PFDN1: variants seen among roughly 807,000 people sequenced by gnomAD.
PFDN1 encodes the protein prefoldin subunit 1.
Under a neutral mutation model 17.3 loss-of-function variants are expected in PFDN1, and 6 were observed. The ratio of observed to expected loss-of-function variants is 0.35; its 90% confidence interval spans 0.19 to 0.69. The LOEUF is 0.69. Ranked by LOEUF, PFDN1 falls within the 30% of genes least tolerant of loss-of-function variation. The pLI, the probability that PFDN1 is intolerant of heterozygous loss-of-function variation, is 0.65. For missense variants in PFDN1, 113 were observed against 146.2 expected, an observed-to-expected ratio of 0.77 and a Z score of 1.17; for synonymous variants, 58 against 50.1, an observed-to-expected ratio of 1.16 and a Z score of -0.67.
chr5:140,246,030 C>A lies in PFDN1; in HGVS notation c.313G>T (p.Val105Phe), dbSNP rs757466775. The A allele has an allele frequency of 6.4e-7, 1 of 1,562,004 alleles. No homozygotes were observed. Among genetic ancestry groups the A allele is most frequent in the Admixed American group, 1.9e-5 (1 of 52,496 alleles). ...EQKKSYLERS[V>F]KEAEDNIREM... is the part of the protein sequence containing the mutation. ...CGGATGTTGTCCTCAGCTTCCTTAA[C>A]GCTTCGCTCCAGGTAGGACTTTTTC... Residue 105 changes from valine (V) to phenylalanine (F), a missense_variant, in exon 4 of 4, where the codon GTT becomes TTT. Coordinates refer to ENST00000261813, the MANE Select transcript of PFDN1 (RefSeq NM_002622.5).
intron 3 of PFDN1, among the ~76,000 whole-genome samples, chr5:140,269,518 C>T (rs1765176648): frequency 6.6e-6 from 1 of 151,506 alleles, no homozygotes; most frequent in African/African-American, 2.4e-5. Context: ...GGGGTCTCTC[C>T]ATGTTGGTCA....
At chr5:140,296,057 T>C (rs1203332482) in intron 2 of PFDN1, among the ~76,000 whole-genome samples, 1 of 152,166 alleles carries the variant, frequency 6.6e-6, no homozygotes, top group African/African-American at 2.4e-5. Flanking sequence ...GACAACCTTC[T>C]CAATATATTT....
At chr5:140,259,887 C>G (rs927041675) in intron 3 of PFDN1, among the ~76,000 whole-genome samples, 2 of 152,148 alleles carry the variant, frequency 1.3e-5, no homozygotes, top group Non-Finnish European at 2.9e-5. Context: ...CAAAGACGAA[C>G]CAATTTTAAA....
intron 2 of PFDN1, among the ~76,000 whole-genome samples, chr5:140,295,924 A>T (rs1765647048): frequency 1.3e-5 from 2 of 152,058 alleles, no homozygotes; most frequent in South Asian, 4.1e-4. Context: ...CATTGATATT[A>T]TTATGCATAA....
intron 2 of PFDN1, among the ~76,000 whole-genome samples, chr5:140,286,599 G>GA (rs1365954475): frequency 5.0e-4 from 4 of 8,046 alleles, no homozygotes; most frequent in African/African-American, 1.1e-3. Context: ...TTTTTTTGCG[G>GA]GGGGGGGGGG....
At chr5:140,248,020 C>T (rs1764856607) in intron 3 of PFDN1, among the ~76,000 whole-genome samples, 1 of 152,110 alleles carries the variant, frequency 6.6e-6, no homozygotes, top group Non-Finnish European at 1.5e-5. Context: ...CAAATACAGT[C>T]CTATCACTGT....
chr5:140,246,206 C>T, intron 3 of PFDN1, 149 bp from the exon 4 acceptor site: 2 of 642,504 alleles, frequency 3.1e-6, no homozygotes. Flanking sequence ...CACCTGCCCA[C>T]AGTGCTCCCC....
At chr5:140,277,299 G>A (rs1308388694) in intron 3 of PFDN1, among the ~76,000 whole-genome samples, 1 of 151,786 alleles carries the variant, frequency 6.6e-6, no homozygotes, top group East Asian at 1.9e-4. Flanking sequence ...AATATGATCA[G>A]ATTTAACATT....
At chr5:140,303,012 A>T (rs761082874) in intron 1 of PFDN1, 29 bp downstream of exon 1, 2 of 1,552,096 alleles carry the variant, frequency 1.3e-6, no homozygotes, top group South Asian at 2.2e-5. Context: ...CAAAAAGAAG[A>T]CCTCCGCCTG....
chr5:140,275,051 T>G (rs1581090127), intron 3 of PFDN1, among the ~76,000 whole-genome samples: 1 of 150,528 alleles, frequency 6.6e-6, no homozygotes, highest in Middle Eastern at 3.4e-3. Flanking sequence ...CTTTGTACAA[T>G]TCATAGGTTC....
intron 2 of PFDN1, among the ~76,000 whole-genome samples, chr5:140,294,518 A>G (rs976155829): frequency 1.3e-5 from 2 of 152,028 alleles, no homozygotes; most frequent in African/African-American, 2.4e-5. Context: ...AGCTGCATAT[A>G]TTTCATCCCA....
chr5:140,288,722 T>C (rs1381770346), intron 2 of PFDN1, among the ~76,000 whole-genome samples: 1 of 152,076 alleles, frequency 6.6e-6, no homozygotes, highest in Non-Finnish European at 1.5e-5. Flanking sequence ...CGGTGGCTCA[T>C]GCCTGTAATC....
chr5:140,245,630 A>C lies in PFDN1; in HGVS notation c.*344T>G. The C allele has an allele frequency of 1.4e-6, 1 of 699,182 alleles. No homozygotes were observed. Among genetic ancestry groups the C allele is most frequent in the South Asian group, 1.5e-5 (1 of 67,202 alleles). 43.3% of individuals were successfully genotyped at this position (699,182 alleles called of 1,614,324 possible). A position where few individuals can be genotyped will look rare whatever the true frequency, so the allele number is the denominator to read the frequency against. On this transcript the variant is annotated 3_prime_UTR_variant, in exon 4 of 4. Transcript: ENST00000261813. The stretch of plus-strand genomic sequence containing the variant: ...CCCTCTGCTCAAGAAAACCAGGCTT[A>C]GCAGAGTGGGACAGACGCTTTTTAT...
intron 2 of PFDN1, among the ~76,000 whole-genome samples, chr5:140,283,383 C>T (rs1035298513): frequency 6.6e-6 from 1 of 152,170 alleles, no homozygotes; most frequent in Non-Finnish European, 1.5e-5. Context: ...CAGGCGCCCA[C>T]CACCACGCCT....
At chr5:140,256,353 G>A (rs927733747) in intron 3 of PFDN1, among the ~76,000 whole-genome samples, 9 of 151,910 alleles carry the variant, frequency 5.9e-5, no homozygotes, top group Middle Eastern at 3.4e-3. Context: ...GTACTCCAGC[G>A]TGGGTGACAG....
intron 3 of PFDN1, among the ~76,000 whole-genome samples, chr5:140,271,769 T>C (rs1403691758): frequency 1.3e-5 from 2 of 151,974 alleles, no homozygotes; most frequent in East Asian, 1.9e-4. Context: ...CGGGATACTA[T>C]GCAGCAATGA....
At chr5:140,263,866 A>T (rs1223737580) in intron 3 of PFDN1, among the ~76,000 whole-genome samples, 1 of 151,412 alleles carries the variant, frequency 6.6e-6, no homozygotes, top group African/African-American at 2.4e-5. Context: ...CTAAAAATAC[A>T]AAAAATTAGC....
rs750691612 is a variant in PFDN1, at chr5:140,281,452, T to C, written c.282A>G (p.Leu94=). The change falls in exon 3 of 4, where the codon CTA becomes CTG. Residue 94 remains leucine, a synonymous_variant. Coordinates refer to ENST00000261813, the MANE Select transcript of PFDN1 (RefSeq NM_002622.5). ...CCTATTGCCAATAAAAACTTACTTCTAGTTCTTTAATTTTTTCTTCTGCTA... is the reference window on the plus strand; with the variant it reads ...CCTATTGCCAATAAAAACTTACTTCCAGTTCTTTAATTTTTTCTTCTGCTA... ...QKIAEEKIKE[L]EQKKSYLERS... 15 of 1,445,534 alleles carry C rather than the reference T, an allele frequency of 1.0e-5. No individual in the cohort carries two copies. The Admixed American group carries it at 2.5e-4, about 24-fold the overall frequency. The allele number at this position is 1,445,534 out of a possible 1,614,324, so 89.5% of individuals were successfully genotyped here.
intron 3 of PFDN1, among the ~76,000 whole-genome samples, chr5:140,260,871 C>T (rs1765055096): frequency 1.3e-5 from 2 of 151,840 alleles, no homozygotes; most frequent in South Asian, 4.2e-4. Context: ...GGGGAGAAGA[C>T]AGGACACGGG....
Sources: gnomAD v4.1 joint callset for allele counts (sites outside exome capture counted in the v4.1 genomes callset) on GRCh38, gnomAD v4.1.1 for gene constraint, MANE v1.5 for transcripts, NCBI Gene and HGNC (gene_info 2026-07-23, HGNC 2026-07-21) for gene names.